WDR75: variants seen among roughly 807,000 people sequenced by gnomAD.
WDR75 encodes the protein WD repeat-containing protein 75.
In WDR75, 52 loss-of-function variants were observed where a neutral mutation model predicts 106.1. The observed-to-expected ratio is 0.49, with a 90% CI of 0.39 to 0.62. WDR75 has a LOEUF of 0.62. Ranked by LOEUF, WDR75 falls within the 20% of genes least tolerant of loss-of-function variation. The pLI is 0.00. For synonymous variants in WDR75, 333 were observed against 335.5 expected (o/e 0.99, Z 0.08); for missense variants, 905 against 970.3 (o/e 0.93, Z 0.89).
intron 18 of WDR75, among the ~76,000 whole-genome samples, chr2:189,472,485 G>C (rs1256912745): frequency 6.6e-6 from 1 of 151,976 alleles, no homozygotes; most frequent in Non-Finnish European, 1.5e-5. Context: ...TTATTGTTTT[G>C]CCTATTTTTT....
At chr2:189,460,750 C>T (rs1027732215) in intron 8 of WDR75, among the ~76,000 whole-genome samples, 1 of 152,150 alleles carries the variant, frequency 6.6e-6, no homozygotes, top group Admixed American at 6.5e-5. Flanking sequence ...GGCGATCCCC[C>T]CAGCCTCCAC....
In WDR75 at chr2:189,459,400, A is replaced by G; in HGVS notation, c.754A>G (p.Met252Val). Residue 252 changes from methionine to valine, a missense_variant, in exon 8 of 21, where the codon ATG (methionine) becomes GTG (valine). Coordinates refer to ENST00000314761, the MANE Select transcript of WDR75 (RefSeq NM_032168.3). ...TCLHWHHDMV[M>V]DLAFSVTGTS... is the part of the protein sequence containing the mutation. The stretch of plus-strand genomic sequence containing the variant: ...TTTACATTGGCACCATGATATGGTT[A>G]TGGATTTGGCTTTTTCAGTGACAGG... The G allele has an allele frequency of 6.2e-7, 1 of 1,612,630 alleles. No homozygotes were observed. The highest frequency in any genetic ancestry group is 8.5e-7 in the Non-Finnish European group (1 of 1,179,640).
At chr2:189,451,449 A>G (rs1003109149) in intron 3 of WDR75, among the ~76,000 whole-genome samples, 4 of 152,322 alleles carry the variant, frequency 2.6e-5, no homozygotes, top group African/African-American at 9.6e-5. Flanking sequence ...TTTTTACCCA[A>G]TGAGAGTTAA....
chr2:189,449,571 G>T, intron 2 of WDR75: 1 of 1,047,034 alleles, frequency 9.6e-7, no homozygotes, highest in South Asian at 3.2e-5. Context: ...TAAAAGCTTT[G>T]TTTCGGATGA....
intron 7 of WDR75, 82 bp downstream of exon 7, chr2:189,458,954 C>G: frequency 7.1e-7 from 1 of 1,405,266 alleles, no homozygotes; most frequent in Non-Finnish European, 9.4e-7. Flanking sequence ...TCTCTGGGTC[C>G]CAAGAAACAG....
intron 18 of WDR75, among the ~76,000 whole-genome samples, chr2:189,473,652 C>T (rs145995804): frequency 1.3e-5 from 2 of 152,252 alleles, no homozygotes; most frequent in Non-Finnish European, 2.9e-5. Flanking sequence ...GTAGACTTTC[C>T]ACCAGCCCGT....
At chr2:189,470,337 A>G in intron 17 of WDR75, 92 bp downstream of exon 17, 1 of 1,382,184 alleles carries the variant, frequency 7.2e-7, no homozygotes, top group African/African-American at 1.5e-5. Flanking sequence ...TTTCTAGGTG[A>G]AACAGCTTCA....
chr2:189,458,918 T>C, intron 7 of WDR75, 46 bp downstream of exon 7: 1 of 1,563,050 alleles, frequency 6.4e-7, no homozygotes, highest in Non-Finnish European at 8.6e-7. Context: ...TGTACTATTT[T>C]ACGTTAGTCC....
intron 13 of WDR75, 106 bp from the exon 14 acceptor site, chr2:189,467,362 A>C (rs1189079617): frequency 8.1e-7 from 1 of 1,235,012 alleles, no homozygotes; most frequent in Non-Finnish European, 1.1e-6. Flanking sequence ...CTAGGAACTG[A>C]AACCACAGAA....
At chr2:189,466,280 G>C in intron 12 of WDR75, 145 bp from the exon 13 acceptor site, 1 of 860,740 alleles carries the variant, frequency 1.2e-6, no homozygotes, top group Non-Finnish European at 1.9e-6. Context: ...ATTAGAGGTA[G>C]AGCACTCAAT....
chr2:189,453,360 G>A (rs950214606), intron 4 of WDR75, among the ~76,000 whole-genome samples: 5 of 152,060 alleles, frequency 3.3e-5, no homozygotes, highest in South Asian at 2.1e-4. Context: ...CTCATCACTC[G>A]TATTTGGTAA....
At chr2:189,454,528 G>GT (rs139716448) in intron 4 of WDR75, among the ~76,000 whole-genome samples, 21,270 of 129,866 alleles carry the variant, frequency 0.16, 1,893 homozygotes, top group South Asian at 0.22. Flanking sequence ...TATTTCTTTT[G>GT]TTTTTTTTTT....
chr2:189,450,652 CTCT>C, intron 2 of WDR75: 1 of 1,191,574 alleles, frequency 8.4e-7, no homozygotes. Context: ...TACCATCTCC[CTCT>C]TCAAGACAGA....
chr2:189,464,188 T>C, intron 11 of WDR75: 1 of 504,938 alleles, frequency 2.0e-6, no homozygotes. Context: ...GCTGTCTCTG[T>C]CTTTTGTTTC....
intron 14 of WDR75, 56 bp downstream of exon 14, chr2:189,467,704 C>T (rs1687031715): frequency 6.9e-7 from 1 of 1,456,662 alleles, no homozygotes; most frequent in Admixed American, 2.3e-5. Flanking sequence ...TTAAACAAGT[C>T]TTAAAACTTT....
chr2:189,462,209 A>G (rs1574198437), intron 8 of WDR75, among the ~76,000 whole-genome samples: 1 of 152,002 alleles, frequency 6.6e-6, no homozygotes, highest in Non-Finnish European at 1.5e-5. Context: ...CAGTGAAGCT[A>G]TCTTGGCCTA....
At chr2:189,451,021 A>G in intron 3 of WDR75, 53 bp downstream of exon 3, 1 of 1,572,566 alleles carries the variant, frequency 6.4e-7, no homozygotes, top group Non-Finnish European at 8.6e-7. Flanking sequence ...AGGCAATGTA[A>G]TTTAATGGTA....
Position 189,450,313 on chromosome 2 carries a change from A to G in WDR75, c.217-590A>G, listed in dbSNP as rs796973912. ...AAAACTGAGTAAGCTGAGTTCTGGCAGGAAGAGCAACAAGCTCTTGTGTGG... is the reference window on the plus strand; with the variant it reads ...AAAACTGAGTAAGCTGAGTTCTGGCGGGAAGAGCAACAAGCTCTTGTGTGG... On this transcript the variant is annotated intron_variant, in intron 2 of 20. Coordinates refer to ENST00000314761, the MANE Select transcript of WDR75 (RefSeq NM_032168.3). 6 of 985,712 alleles carry G rather than the reference A, an allele frequency of 6.1e-6. No individual in the cohort carries two copies. In the African/African-American group the frequency reaches 1.0e-4, roughly 17 times the overall value. 61.1% of individuals were successfully genotyped at this position (985,712 alleles called of 1,614,324 possible).
At chr2:189,450,648 C>T (rs1686599090) in intron 2 of WDR75, 1 of 1,283,788 alleles carries the variant, frequency 7.8e-7, no homozygotes, top group South Asian at 1.9e-5. Context: ...ACCTTACCAT[C>T]TCCCTCTTCA....
Sources: allele counts gnomAD v4.1 joint callset (sites outside exome capture counted in the v4.1 genomes callset), GRCh38; gene constraint gnomAD v4.1.1; transcripts MANE v1.5; gene names NCBI Gene and HGNC (gene_info 2026-07-23, HGNC 2026-07-21).